The following CSMD1 variants were observed in gnomAD, a reference collection of about 807,000 sequenced individuals.
CSMD1 encodes CUB and sushi domain-containing protein 1.
In CSMD1, 213 loss-of-function variants were observed where a neutral mutation model predicts 417.5. The ratio of observed to expected loss-of-function variants is 0.51; its 90% CI spans 0.46 to 0.57. The LOEUF is 0.57. Among genes scored for constraint, CSMD1 ranks in the 20% least tolerant of loss-of-function variants. The probability of loss-of-function intolerance (pLI) is 0.00; values close to 1 mark genes in which losing one functional copy is unlikely to be tolerated. For missense variants in CSMD1, 6,923 were observed against 4,529.7 expected (o/e 1.53, Z -15.17); for synonymous variants, 2,862 against 1,736.8 (o/e 1.65, Z -16.11).
chr8:4,897,085 T>A (rs1804547542), intron 1 of CSMD1, among the ~76,000 whole-genome samples: 1 of 152,080 alleles, frequency 6.6e-6, no homozygotes, highest in Admixed American at 6.5e-5. Flanking sequence ...CCTGAGTGCC[T>A]ACAATTTCAG....
intron 1 of CSMD1, among the ~76,000 whole-genome samples, chr8:4,746,210 C>G (rs1367466056): frequency 6.6e-6 from 1 of 152,072 alleles, no homozygotes; most frequent in Non-Finnish European, 1.5e-5. Context: ...ACCCCCTTTT[C>G]CATGGAATCA....
intron 3 of CSMD1, among the ~76,000 whole-genome samples, chr8:4,053,370 C>A (rs991075268): frequency 1.3e-5 from 2 of 151,786 alleles, no homozygotes; most frequent in Non-Finnish European, 2.9e-5. Context: ...AAATTCTCTA[C>A]AGACAGTGTG....
intron 1 of CSMD1, among the ~76,000 whole-genome samples, chr8:4,795,746 T>C (rs1348363948): frequency 6.6e-6 from 1 of 152,110 alleles, no homozygotes; most frequent in Admixed American, 6.6e-5. Context: ...AGGGCTCTTG[T>C]CAGTTACCTC....
intron 2 of CSMD1, among the ~76,000 whole-genome samples, chr8:4,624,544 C>T (rs934223153): frequency 4.6e-5 from 7 of 152,082 alleles, no homozygotes; most frequent in African/African-American, 1.2e-4. Flanking sequence ...GAATTTAAAC[C>T]GGAGGGGATT....
intron 5 of CSMD1, among the ~76,000 whole-genome samples, chr8:3,800,852 G>T (rs748406786): frequency 2.6e-5 from 4 of 151,990 alleles, no homozygotes; most frequent in African/African-American, 7.2e-5. Context: ...CAGCACAAAA[G>T]CCCTCACCAG....
At chr8:3,399,633 A>C (rs537842822) in intron 15 of CSMD1, 104 bp from the exon 16 acceptor site, 8 of 844,282 alleles carry the variant, frequency 9.5e-6, no homozygotes. Flanking sequence ...TCATAGACTG[A>C]ATATTTTCAA....
intron 2 of CSMD1, among the ~76,000 whole-genome samples, chr8:4,434,196 G>C (rs945612249): frequency 3.9e-5 from 6 of 152,048 alleles, no homozygotes; most frequent in Non-Finnish European, 8.8e-5. Flanking sequence ...AAATTATCCA[G>C]GCATGGTAAT....
chr8:3,362,574 C>T (rs1353101715), intron 20 of CSMD1, among the ~76,000 whole-genome samples: 2 of 152,124 alleles, frequency 1.3e-5, no homozygotes, highest in East Asian at 1.9e-4. Context: ...AATTCTATGC[C>T]GATGGGTTTC....
intron 41 of CSMD1, chr8:3,128,563 A>G (rs576689668): frequency 1.4e-5 from 4 of 277,832 alleles, no homozygotes; most frequent in African/African-American, 8.9e-5. Context: ...AGTAGAACCT[A>G]GGAATGTTTA....
chr8:3,871,064 TTACG>T (rs1454025451), intron 5 of CSMD1, among the ~76,000 whole-genome samples: 2 of 152,078 alleles, frequency 1.3e-5, no homozygotes, highest in African/African-American at 4.8e-5. Context: ...ATTCCATGAC[TTACG>T]TATGTTAAGC....
chr8:3,879,119 T>G (rs1432251735), intron 5 of CSMD1, among the ~76,000 whole-genome samples: 10 of 152,124 alleles, frequency 6.6e-5, no homozygotes, highest in African/African-American at 2.4e-4. Flanking sequence ...GAATCTTAGG[T>G]GTTCAAACAA....
chr8:3,735,953 C>G (rs1015162602), intron 6 of CSMD1, among the ~76,000 whole-genome samples: 1 of 151,648 alleles, frequency 6.6e-6, no homozygotes, highest in Admixed American at 6.6e-5. Context: ...AGAAAATAAA[C>G]AGTAGACAGG....
chr8:3,442,473 T>A (rs113180092), intron 12 of CSMD1, among the ~76,000 whole-genome samples: 119 of 152,340 alleles, frequency 7.8e-4, no homozygotes, highest in Non-Finnish European at 1.6e-3. Flanking sequence ...TACTGTACCT[T>A]TTGTATGTTT....
At chr8:4,511,173 G>A (rs908738646) in intron 2 of CSMD1, among the ~76,000 whole-genome samples, 2 of 151,988 alleles carry the variant, frequency 1.3e-5, no homozygotes, top group African/African-American at 4.8e-5. Flanking sequence ...TTCCCACATA[G>A]CAAGCCTGCA....
At chr8:3,256,836 A>T (rs1800691762) in intron 26 of CSMD1, among the ~76,000 whole-genome samples, 1 of 152,104 alleles carries the variant, frequency 6.6e-6, no homozygotes, top group African/African-American at 2.4e-5. Flanking sequence ...TCTTATTTTA[A>T]TTTTTCCTTT....
chr8:3,932,583 C>G (rs913334829), intron 5 of CSMD1, among the ~76,000 whole-genome samples: 1 of 150,446 alleles, frequency 6.6e-6, no homozygotes, highest in African/African-American at 2.5e-5. Flanking sequence ...AGTACTGTGG[C>G]TAGTTAAAAA....
chr8:4,336,471 G>A (rs1231805694), intron 3 of CSMD1, among the ~76,000 whole-genome samples: 2 of 152,102 alleles, frequency 1.3e-5, no homozygotes, highest in Non-Finnish European at 2.9e-5. Context: ...AGATGTTTGA[G>A]CCTTCAGACA....
chr8:4,703,718 T>TA lies in CSMD1; in HGVS notation c.86-66161dup, dbSNP rs543681385. 4.6e-5 allele frequency among the ~76,000 whole-genome samples: 7 copies of TA among 152,140 alleles called. No homozygotes were observed. The South Asian group carries it at 6.2e-4, about 14-fold the overall frequency. On this transcript the variant is annotated intron_variant, in intron 1 of 69. Transcript: ENST00000635120. ...CGACCTTGAATTAAAAGATTTTCTT[T>TA]AAAAAAAATCTTAAAGTGATTTTAC...
At chr8:3,139,696 T>G (rs532153311) in intron 41 of CSMD1, among the ~76,000 whole-genome samples, 1 of 152,156 alleles carries the variant, frequency 6.6e-6, no homozygotes, top group Admixed American at 6.5e-5. Context: ...TAAATAGATA[T>G]GTACGTGTGT....
Sources: allele counts gnomAD v4.1 joint callset (sites outside exome capture counted in the v4.1 genomes callset), GRCh38; gene constraint gnomAD v4.1.1; transcripts MANE v1.5; gene names NCBI Gene and HGNC (gene_info 2026-07-23, HGNC 2026-07-21).